The following PEX1 variants were observed in gnomAD, a reference collection of about 807,000 sequenced individuals.
The protein encoded by PEX1 is peroxisomal ATPase PEX1.
Under a neutral mutation model 152.5 loss-of-function variants are expected in PEX1, and 97 were observed. The ratio of observed to expected loss-of-function variants is 0.64; its 90% confidence interval spans 0.54 to 0.75. The LOEUF (loss-of-function observed/expected upper bound fraction) is 0.75, where lower values mean the gene tolerates loss of function less well. Ranked by LOEUF, PEX1 falls within the 30% of genes least tolerant of loss-of-function variation. The probability of loss-of-function intolerance (pLI) is 0.00; values close to 1 mark genes in which losing one functional copy is unlikely to be tolerated. For missense variants in PEX1, 1,357 were observed against 1,516.3 expected (o/e 0.89, Z 1.74); for synonymous variants, 485 against 531.6 (o/e 0.91, Z 1.21).
At chr7:92,519,104 T>G in intron 2 of PEX1, 26 bp from the exon 3 acceptor site, 4 of 1,368,888 alleles carry the variant, frequency 2.9e-6, no homozygotes, top group Non-Finnish European at 4.2e-6. Context: ...AATTTAAAAC[T>G]ACTTTAAAAA....
At chr7:92,516,120 G>A (rs1053414140) in intron 5 of PEX1, among the ~76,000 whole-genome samples, 7 of 150,714 alleles carry the variant, frequency 4.6e-5, no homozygotes, top group African/African-American at 4.9e-5. Flanking sequence ...GAATGGTCTG[G>A]AGCTTTAGAA....
chr7:92,509,247 A>T, intron 9 of PEX1, 82 bp downstream of exon 9: 1 of 895,086 alleles, frequency 1.1e-6, no homozygotes, highest in Non-Finnish European at 1.9e-6. Flanking sequence ...ATTAACATCT[A>T]CTTTAATATT....
chr7:92,508,293 G>T (rs1448478123), intron 9 of PEX1, among the ~76,000 whole-genome samples: 4 of 152,124 alleles, frequency 2.6e-5, no homozygotes, highest in Non-Finnish European at 4.4e-5. Flanking sequence ...GTTCACGCCT[G>T]TAATCCCAGC....
In PEX1 at chr7:92,501,715, A is replaced by G. The variant is rs3213609; in HGVS notation, c.2417-42T>C. On this transcript the variant is annotated intron_variant, in intron 14 of 23. Transcript: ENST00000248633. ...AAAACTTCTTTTACTAGTTATATTC[A>G]CTATATGAATTTTCAAAATATGCCA... 0.036 allele frequency: 55,726 copies of G among 1,537,092 alleles called. 3,165 individuals are homozygous for G. Among genetic ancestry groups the G allele is most frequent in the East Asian group, 0.28 (12,087 of 43,552 alleles).
rs772086409 is a variant in PEX1 at position 92,517,316 on chromosome 7, T to A, written c.1199A>T (p.Tyr400Phe). ...GLEELNNAIK[Y>F]TKNVEVLHLG... The stretch of plus-strand genomic sequence containing the variant: ...ATGGAGAACTTCTACATTTTTGGTA[T>A]ATTTGATGGCATTGTTCAATTCTTC... Residue 400 changes from tyrosine to phenylalanine, a missense_variant, in exon 5 of 24, where the codon TAT becomes TTT. Coordinates refer to ENST00000248633, the MANE Select transcript of PEX1 (RefSeq NM_000466.3). The A allele has an allele frequency of 2.5e-6, 4 of 1,613,750 alleles. No individual in the cohort carries two copies. In the African/African-American group the frequency reaches 5.3e-5, roughly 22 times the overall value.
chr7:92,499,565 A>G (rs1791820967), intron 16 of PEX1, 139 bp downstream of exon 16: 1 of 708,976 alleles, frequency 1.4e-6, no homozygotes, highest in South Asian at 1.7e-5. Context: ...GGAATGAAAA[A>G]GTTTTGAAAT....
rs199526105 is a variant in PEX1 at position 92,510,939 on chromosome 7, A to G, written c.1587+5T>C. 118 of 1,312,002 alleles carry G rather than the reference A, an allele frequency of 9.0e-5. No homozygotes were observed. The highest frequency in any genetic ancestry group is 5.1e-5 in the Admixed American group (3 of 58,962). 81.3% of individuals were successfully genotyped at this position (1,312,002 alleles called of 1,614,324 possible). A position where few individuals can be genotyped will look rare whatever the true frequency, so the allele number is the denominator to read the frequency against. Reference sequence around the variant, plus strand: ...TTTATTAAATATTCAATAACATGCTATTACTTGTATTGTAGTCTTCTGCAG... The same window carrying G: ...TTTATTAAATATTCAATAACATGCTGTTACTTGTATTGTAGTCTTCTGCAG... On this transcript the variant is annotated splice_donor_5th_base_variant and intron_variant, in intron 8 of 23. Transcript: ENST00000248633.
chr7:92,518,478 G>GT (rs1473091973), intron 3 of PEX1, among the ~76,000 whole-genome samples: 33 of 152,108 alleles, frequency 2.2e-4, no homozygotes, highest in African/African-American at 7.7e-4. Context: ...TGTTTTTGTG[G>GT]TAAGAGTAGT....
rs1433370730 is a variant in PEX1 at position 92,504,770 on chromosome 7, T to C, written c.2033A>G (p.His678Arg). 1.1e-5 allele frequency: 17 copies of C among 1,614,204 alleles called. No individual in the cohort carries two copies. Among genetic ancestry groups the C allele is most frequent in the Non-Finnish European group, 1.3e-5 (15 of 1,180,026 alleles). Residue 678 changes from histidine to arginine, a missense_variant, in exon 12 of 24, where the codon CAC becomes CGC. Transcript: ENST00000248633. ...AGLPAVPEHE[H>R]SPDAVQSQRL... ...CTGGCTCTGCACCGCATCAGGACTG[T>C]GCTCATGTTCCGGGACAGCAGGCAG...
chr7:92,513,039 A>G (rs1792553919), intron 6 of PEX1, among the ~76,000 whole-genome samples: 1 of 152,230 alleles, frequency 6.6e-6, no homozygotes, highest in African/African-American at 2.4e-5. Context: ...TACAATATTA[A>G]TACTGAAACA....
Position 92,517,966 on chromosome 7 carries a change from T to C in PEX1, c.549A>G (p.Arg183=), listed in dbSNP as rs1262449671. The C allele has an allele frequency of 6.2e-7, 1 of 1,611,406 alleles. No homozygotes were observed. The highest frequency in any genetic ancestry group is 1.1e-5 in the South Asian group (1 of 90,624). ...CTTTTGAAAATGTATTCTCTTTGGC[T>C]CGGCGTGTCTTTGGCTGAATAAGGA... The part of the protein sequence containing the change: ...TKLLIQPKTR[R]AKENTFSKAD... Residue 183 remains arginine, a synonymous_variant, in exon 5 of 24, where the codon CGA becomes CGG. Coordinates refer to ENST00000248633, the MANE Select transcript of PEX1 (RefSeq NM_000466.3).
Position 92,520,211 on chromosome 7 carries a change from G to T in PEX1, c.274-1133C>A, listed in dbSNP as rs1792988882. Among the ~76,000 whole-genome samples, 2 of 152,192 alleles carry T rather than the reference G, an allele frequency of 1.3e-5. 1 individual carries two copies. Among genetic ancestry groups the T allele is most frequent in the South Asian group, 4.1e-4 (2 of 4,830 alleles). ...GGAAGTTGATGTTGCCCACAGGGAA[G>T]TGCTGGGTACTCAGAGGGCAGAACT... is the stretch of plus-strand genomic sequence containing the variant. On this transcript the variant is annotated intron_variant, in intron 2 of 23. Transcript: ENST00000248633.
intron 6 of PEX1, among the ~76,000 whole-genome samples, chr7:92,512,057 G>T (rs868811503): frequency 6.6e-6 from 1 of 152,208 alleles, no homozygotes; most frequent in Middle Eastern, 3.2e-3. Flanking sequence ...CTTTGAGACA[G>T]AATCTCGCTG....
intron 1 of PEX1, among the ~76,000 whole-genome samples, chr7:92,527,323 A>C (rs901670233): frequency 4.6e-5 from 7 of 152,184 alleles, no homozygotes; most frequent in African/African-American, 1.7e-4. Context: ...CACTGAACCA[A>C]CTTCTACCTG....
rs1419318556 is a variant in PEX1, at chr7:92,487,423, A to AACTT, written c.*30_*33dup. On this transcript the variant is annotated 3_prime_UTR_variant, in exon 24 of 24. Coordinates refer to ENST00000248633, the MANE Select transcript of PEX1 (RefSeq NM_000466.3). ...ACAACATATGGAAAAGCCATCAAAA[A>AACTT]ACTTAACAGAACCAAATCAAAAAGA... 2 of 1,187,214 alleles carry AACTT rather than the reference A, an allele frequency of 1.7e-6. No individual in the cohort carries two copies. Among genetic ancestry groups the AACTT allele is most frequent in the African/African-American group, 3.0e-5 (2 of 66,250 alleles). The allele number at this position is 1,187,214 out of a possible 1,614,324, so 73.5% of individuals were successfully genotyped here. A position where few individuals can be genotyped will look rare whatever the true frequency, so the allele number is the denominator to read the frequency against.
At chr7:92,525,361 T>C (rs1312184159) in intron 1 of PEX1, among the ~76,000 whole-genome samples, 1 of 152,246 alleles carries the variant, frequency 6.6e-6, no homozygotes, top group Non-Finnish European at 1.5e-5. Context: ...GCCTAGGGTA[T>C]CTCTTGCTAA....
intron 16 of PEX1, among the ~76,000 whole-genome samples, chr7:92,497,836 G>A (rs1177993006): frequency 6.6e-6 from 1 of 151,904 alleles, no homozygotes; most frequent in South Asian, 2.1e-4. Context: ...TTGGGAGGCC[G>A]AAGCTGGTGG....
In PEX1 at chr7:92,491,305, T is replaced by G; in HGVS notation, c.3405A>C (p.Glu1135Asp). Residue 1135 changes from glutamate to aspartate, a missense_variant, in exon 21 of 24, where the codon GAA (glutamate) becomes GAC (aspartate). Physicochemically the swap from Glu to Asp is conservative, Grantham distance 45. Coordinates refer to ENST00000248633, the MANE Select transcript of PEX1 (RefSeq NM_000466.3). Reference protein sequence around the residue: ...MYRLYFGSSYESELGNGTSSD... With the variant: ...MYRLYFGSSYDSELGNGTSSD... The stretch of plus-strand genomic sequence containing the variant: ...AAGAGGTTCCATTTCCAAGTTCTGA[T>G]TCATAAGAGCTTCCAAAGTAGAGCC... 4 of 1,613,412 alleles carry G rather than the reference T, an allele frequency of 2.5e-6. No homozygotes were observed. Among genetic ancestry groups the G allele is most frequent in the Non-Finnish European group, 3.4e-6 (4 of 1,179,364 alleles).
At chr7:92,489,540 TATAAG>T in intron 22 of PEX1, 117 bp from the exon 23 acceptor site, 1 of 1,065,034 alleles carries the variant, frequency 9.4e-7, no homozygotes, top group Non-Finnish European at 1.4e-6. Flanking sequence ...TTCTCTTCCT[TATAAG>T]ATAATGAAAC....
Sources: allele counts gnomAD v4.1 joint callset (sites outside exome capture counted in the v4.1 genomes callset), GRCh38; gene constraint gnomAD v4.1.1; transcripts MANE v1.5; gene names NCBI Gene and HGNC (gene_info 2026-07-23, HGNC 2026-07-21).